Variants in PSEN2 observed in about 807,000 individuals in gnomAD.
PSEN2 encodes presenilin-2.
Under a neutral mutation model 49.1 loss-of-function variants are expected in PSEN2, and 32 were observed. That is an observed-to-expected ratio of 0.65 (90% CI 0.49 to 0.88). The LOEUF (loss-of-function observed/expected upper bound fraction) is 0.88. PSEN2 is among the 40% of genes least tolerant of loss of function. The pLI, the probability that PSEN2 is intolerant of heterozygous loss-of-function variation, is 0.00. For missense variants in PSEN2, 522 were observed against 586.9 expected (o/e 0.89, Z 1.14); for synonymous variants, 255 against 244.0 (o/e 1.05, Z -0.42).
intron 6 of PSEN2, among the ~76,000 whole-genome samples, chr1:226,887,039 G>A (rs1442114641): frequency 6.6e-6 from 1 of 152,152 alleles, no homozygotes; most frequent in Non-Finnish European, 1.5e-5. Flanking sequence ...GCAGGGTGGA[G>A]GGCTGCTGGT....
intron 2 of PSEN2, among the ~76,000 whole-genome samples, chr1:226,872,632 T>G (rs1220526364): frequency 5.3e-5 from 8 of 152,224 alleles, no homozygotes; most frequent in Non-Finnish European, 1.5e-5. Flanking sequence ...AAGCAGTGTG[T>G]GTAGGTCACA....
chr1:226,888,246 G>C, intron 7 of PSEN2, 88 bp downstream of exon 7: 1 of 1,223,628 alleles, frequency 8.2e-7, no homozygotes, highest in Non-Finnish European at 1.2e-6. Flanking sequence ...GGCGGGGAAA[G>C]ATGACCATCG....
At chr1:226,891,385 G>A (rs1479061347) in intron 10 of PSEN2, 24 bp downstream of exon 10, 2 of 1,592,714 alleles carry the variant, frequency 1.3e-6, no homozygotes, top group Admixed American at 3.5e-5. Context: ...GGAGCTAACA[G>A]CCTCTCATCA....
At chr1:226,878,316 G>C (rs1660762739) in intron 3 of PSEN2, among the ~76,000 whole-genome samples, 1 of 152,144 alleles carries the variant, frequency 6.6e-6, no homozygotes, top group South Asian at 2.1e-4. Flanking sequence ...CTGACCTCAG[G>C]TGATCTGCCC....
intron 6 of PSEN2, among the ~76,000 whole-genome samples, chr1:226,886,367 C>T (rs951193938): frequency 2.0e-5 from 3 of 152,152 alleles, no homozygotes; most frequent in Non-Finnish European, 2.9e-5. Context: ...GTGCAGAGGC[C>T]ATGCTGAGGT....
chr1:226,888,664 C>T (rs1222714555), intron 7 of PSEN2, among the ~76,000 whole-genome samples, 165 bp from the exon 8 acceptor site: 1 of 152,188 alleles, frequency 6.6e-6, no homozygotes, highest in African/African-American at 2.4e-5. Flanking sequence ...CCAAGCATCC[C>T]CACCTTGTTT....
In PSEN2 at chr1:226,888,098, A is replaced by G. The variant is rs1661490243; in HGVS notation, c.506A>G (p.His169Arg). ...GCAATTTCTGTTGTCTAGTTCATCC[A>G]TGGCTGGTTGATCATGTCTTCACTG... ...LYKYRCYKFI[H>R]GWLIMSSLML... is the part of the protein sequence containing the mutation. The change falls in exon 7 of 13, where the codon CAT (histidine) becomes CGT (arginine). Residue 169 changes from histidine (H) to arginine (R), a missense_variant. Coordinates refer to ENST00000366783, the MANE Select transcript of PSEN2 (RefSeq NM_000447.3). 3 of 1,613,518 alleles carry G rather than the reference A, an allele frequency of 1.9e-6. No individual in the cohort carries two copies. The highest frequency in any genetic ancestry group is 1.7e-5 in the Admixed American group (1 of 60,004).
intron 3 of PSEN2, among the ~76,000 whole-genome samples, chr1:226,877,864 ACCGGG>A (rs1445061869): frequency 6.6e-6 from 1 of 152,060 alleles, no homozygotes; most frequent in East Asian, 1.9e-4. Flanking sequence ...TCTTGATGAG[ACCGGG>A]CCTGGGCACA....
chr1:226,894,238 C>CTG lies in PSEN2; in HGVS notation c.1191+114_1191+115dup, dbSNP rs1661965101. On this transcript the variant is annotated intron_variant, in intron 12 of 12. Coordinates refer to ENST00000366783, the MANE Select transcript of PSEN2 (RefSeq NM_000447.3). ...GGATTTTTCATTTCTTCTCTTCCCT[C>CTG]TGAGGGACAAGAGCAGGGAGCGGGG... is the stretch of plus-strand genomic sequence containing the variant. 8 of 749,730 alleles carry CTG rather than the reference C, an allele frequency of 1.1e-5. No homozygotes were observed. The South Asian group carries it at 1.2e-4, about 11-fold the overall frequency. The allele number at this position is 749,730 out of a possible 1,614,324, so 46.4% of individuals were successfully genotyped here.
At chr1:226,886,925 C>T (rs1397585515) in intron 6 of PSEN2, among the ~76,000 whole-genome samples, 2 of 152,142 alleles carry the variant, frequency 1.3e-5, no homozygotes, top group Non-Finnish European at 2.9e-5. Context: ...AATGTAAGAC[C>T]CTGTCTCTAA....
At chr1:226,872,326 A>G (rs1456980183) in intron 2 of PSEN2, among the ~76,000 whole-genome samples, 2 of 152,230 alleles carry the variant, frequency 1.3e-5, no homozygotes, top group Non-Finnish European at 2.9e-5. Context: ...TGTACAGAAT[A>G]TTAGAATTTA....
chr1:226,874,657 T>C (rs1252189114), intron 2 of PSEN2, among the ~76,000 whole-genome samples: 1 of 152,204 alleles, frequency 6.6e-6, no homozygotes, highest in East Asian at 1.9e-4. Context: ...CATTTCATCT[T>C]CTTTATAACT....
chr1:226,873,424 A>T (rs992792411), intron 2 of PSEN2, among the ~76,000 whole-genome samples: 28 of 151,694 alleles, frequency 1.8e-4, no homozygotes, highest in South Asian at 8.4e-4. Context: ...GGGAAAAAAA[A>T]TTTTTTTTGA....
intron 9 of PSEN2, chr1:226,890,434 C>A: frequency 2.5e-6 from 1 of 394,896 alleles, no homozygotes; most frequent in Non-Finnish European, 4.8e-6. Context: ...CCCCTCAGCT[C>A]TCCAGGCTCT....
chr1:226,878,430 A>G (rs1426765447), intron 3 of PSEN2, among the ~76,000 whole-genome samples: 2 of 152,110 alleles, frequency 1.3e-5, no homozygotes, highest in African/African-American at 4.8e-5. Context: ...ATTCTACTTG[A>G]TCCTGGGTCC....
intron 6 of PSEN2, among the ~76,000 whole-genome samples, chr1:226,887,264 G>A (rs1449258903): frequency 2.6e-5 from 4 of 152,168 alleles, no homozygotes; most frequent in African/African-American, 9.7e-5. Flanking sequence ...GGGATGAAGA[G>A]GGTTGGCAGG....
Position 226,871,283 on chromosome 1 carries a change from C to G in PSEN2, c.-328C>G, listed in dbSNP as rs542283623. The G allele has an allele frequency of 1.3e-5, 2 of 152,412 alleles. No homozygotes were observed. The highest frequency in any genetic ancestry group is 2.1e-4 in the South Asian group (1 of 4,830). The allele number at this position is 152,412 out of a possible 1,614,324, so 9.4% of individuals were successfully genotyped here. On this transcript the variant is annotated 5_prime_UTR_variant, in exon 2 of 13. Transcript: ENST00000366783. ...TCAGGCATTTCCAGCAGTGAGGAGA[C>G]AGCCAGAAGCAAGCTTTTGGAGCTG...
intron 5 of PSEN2, among the ~76,000 whole-genome samples, chr1:226,884,332 G>A (rs1661207586): frequency 6.6e-6 from 1 of 152,190 alleles, no homozygotes; most frequent in Non-Finnish European, 1.5e-5. Flanking sequence ...CTTCCTCTCT[G>A]AGTCTCTGCT....
chr1:226,871,412 A>G lies in PSEN2; in HGVS notation c.-207+8A>G, dbSNP rs1660281525. On this transcript the variant is annotated splice_region_variant and intron_variant, in intron 2 of 12. Transcript: ENST00000366783. ...TTTCCCAAGGTCGCCCAGGTACGAT[A>G]TAGCAGAGCCAGGCTTCGACCCCAG... 3 of 152,252 alleles carry G rather than the reference A, an allele frequency of 2.0e-5. No individual in the cohort carries two copies. Among genetic ancestry groups the G allele is most frequent in the Non-Finnish European group, 4.4e-5 (3 of 68,062 alleles). The allele number at this position is 152,252 out of a possible 1,614,324, so 9.4% of individuals were successfully genotyped here. A position where few individuals can be genotyped will look rare whatever the true frequency, so the allele number is the denominator to read the frequency against.
Sources: gnomAD v4.1 joint callset for allele counts (sites outside exome capture counted in the v4.1 genomes callset) on GRCh38, gnomAD v4.1.1 for gene constraint, MANE v1.5 for transcripts, NCBI Gene and HGNC (gene_info 2026-07-23, HGNC 2026-07-21) for gene names.